The following SMYD3 variants were observed in gnomAD, a reference collection of about 807,000 sequenced individuals.
SMYD3 encodes SET and MYND domain containing 3.
In SMYD3, 36 loss-of-function variants were observed where a neutral mutation model predicts 57.7. The observed-to-expected ratio is 0.62, with a 90% CI of 0.48 to 0.82. SMYD3 has a LOEUF of 0.82. SMYD3 is among the 40% of genes least tolerant of loss of function. SMYD3 has a pLI of 0.00. For missense variants in SMYD3, 515 were observed against 538.8 expected (o/e 0.96, Z 0.44); for synonymous variants, 211 against 195.0 (o/e 1.08, Z -0.68).
rs930261608 is a variant in SMYD3 at position 245,858,650 on chromosome 1, T to C, written c.922A>G (p.Met308Val). The change falls in exon 10 of 12, where the codon ATG (methionine) becomes GTG (valine). Residue 308 changes from methionine to valine, a missense_variant. Physicochemically the swap from Met to Val is conservative, Grantham distance 21. Coordinates refer to ENST00000490107, the MANE Select transcript of SMYD3 (RefSeq NM_001167740.2). Reference protein sequence around the residue: ...AHWKWEQVLAMCQAIISSNSE... With the variant: ...AHWKWEQVLAVCQAIISSNSE... ...TTGCTGCTTATGATTGCCTGGCACA[T>C]GGCCAGAACCTGCTCCCACTCTGTT... 3.7e-6 allele frequency: 6 copies of C among 1,614,062 alleles called. No individual in the cohort carries two copies. Among genetic ancestry groups the C allele is most frequent in the Admixed American group, 1.7e-5 (1 of 59,998 alleles).
chr1:245,853,139 C>T (rs892956188), intron 10 of SMYD3, among the ~76,000 whole-genome samples: 2 of 152,168 alleles, frequency 1.3e-5, no homozygotes, highest in African/African-American at 2.4e-5. Context: ...TGGCAAACAA[C>T]ATACGTGGAA....
intron 1 of SMYD3, among the ~76,000 whole-genome samples, chr1:246,469,730 T>C (rs984328845): frequency 6.6e-6 from 1 of 152,076 alleles, no homozygotes; most frequent in Non-Finnish European, 1.5e-5. Flanking sequence ...CCATAAATAA[T>C]GATTCAGGTA....
chr1:245,750,115 G>T (rs962142013), intron 11 of SMYD3, among the ~76,000 whole-genome samples: 7 of 151,840 alleles, frequency 4.6e-5, no homozygotes, highest in Admixed American at 1.3e-4. Flanking sequence ...TCATATTATA[G>T]CACTGGCATT....
At chr1:246,136,178 T>G (rs922998058) in intron 5 of SMYD3, among the ~76,000 whole-genome samples, 1 of 152,172 alleles carries the variant, frequency 6.6e-6, no homozygotes, top group Non-Finnish European at 1.5e-5. Flanking sequence ...TATAACACAT[T>G]CTGCAGAATT....
chr1:246,269,833 A>AT (rs1306823708), intron 5 of SMYD3, among the ~76,000 whole-genome samples: 2 of 152,068 alleles, frequency 1.3e-5, no homozygotes, highest in African/African-American at 4.8e-5. Flanking sequence ...TCAGCCTCCC[A>AT]AAGTGCTGGG....
intron 5 of SMYD3, among the ~76,000 whole-genome samples, chr1:246,187,263 A>C (rs1225016417): frequency 6.7e-6 from 1 of 149,334 alleles, no homozygotes; most frequent in Admixed American, 6.8e-5. Context: ...ACTCCAGCCT[A>C]GGCAACAGAG....
At chr1:246,171,163 A>G (rs1457590686) in intron 5 of SMYD3, among the ~76,000 whole-genome samples, 1 of 152,212 alleles carries the variant, frequency 6.6e-6, no homozygotes, top group African/African-American at 2.4e-5. Flanking sequence ...AGGTAGAACC[A>G]ATGCTGTCTG....
chr1:246,020,727 T>G (rs1297982151), intron 5 of SMYD3, among the ~76,000 whole-genome samples: 1 of 152,206 alleles, frequency 6.6e-6, no homozygotes, highest in Non-Finnish European at 1.5e-5. Flanking sequence ...CAGTCGCATT[T>G]TATAGATAAG....
At chr1:245,883,909 T>C (rs1463562721) in intron 8 of SMYD3, among the ~76,000 whole-genome samples, 1 of 152,140 alleles carries the variant, frequency 6.6e-6, no homozygotes, top group Non-Finnish European at 1.5e-5. Flanking sequence ...GTGGGTGATG[T>C]AAAAAAGAAA....
At chr1:246,453,819 C>G (rs1004870549) in intron 1 of SMYD3, among the ~76,000 whole-genome samples, 2 of 152,164 alleles carry the variant, frequency 1.3e-5, no homozygotes, top group Non-Finnish European at 2.9e-5. Context: ...CTATTACCAG[C>G]CCAAGAGCAC....
intron 5 of SMYD3, among the ~76,000 whole-genome samples, chr1:246,201,952 GCAGT>G (rs1385200733): frequency 6.6e-6 from 1 of 151,670 alleles, no homozygotes; most frequent in Non-Finnish European, 1.5e-5. Flanking sequence ...GGTGGAGGTT[GCAGT>G]GAGCTGAGAT....
intron 10 of SMYD3, among the ~76,000 whole-genome samples, chr1:245,822,518 G>A (rs1214796696): frequency 2.7e-5 from 4 of 149,814 alleles, no homozygotes; most frequent in African/African-American, 9.9e-5. Context: ...TGCACAATGT[G>A]CACATGTACC....
intron 5 of SMYD3, among the ~76,000 whole-genome samples, chr1:246,107,590 AAAT>A (rs566214701): frequency 1.5e-4 from 23 of 152,340 alleles, no homozygotes; most frequent in Admixed American, 1.0e-3. Flanking sequence ...GACAGTGGGG[AAAT>A]TAGCTCATTC....
At chr1:245,773,250 G>A (rs1412989975) in intron 10 of SMYD3, among the ~76,000 whole-genome samples, 1 of 152,200 alleles carries the variant, frequency 6.6e-6, no homozygotes, top group East Asian at 1.9e-4. Flanking sequence ...AGGAAAGCCT[G>A]GAGTAGTTGA....
chr1:246,292,051 T>G (rs1300286712), intron 5 of SMYD3, among the ~76,000 whole-genome samples: 1 of 135,030 alleles, frequency 7.4e-6, no homozygotes, highest in South Asian at 2.5e-4. Flanking sequence ...AACACACCAG[T>G]ACATTAGACT....
rs1173574600 is a variant in SMYD3, at chr1:246,348,060, T to TATATATATATATATATATATA, written c.228+6970_228+6971insTATATATATATATATATATAT. On this transcript the variant is annotated intron_variant, in intron 2 of 11. Transcript: ENST00000490107. ...ATTGGTGGACTGAATAAAGAAAACG[T>TATATATATATATATATATATA]TATATATATATATATATACACACAC... 7.2e-5 allele frequency among the ~76,000 whole-genome samples: 6 copies of TATATATATATATATATATATA among 83,008 alleles called. 1 individual carries two copies. Among genetic ancestry groups the TATATATATATATATATATATA allele is most frequent in the East Asian group, 2.5e-4 (1 of 4,048 alleles). 54.5% of individuals were successfully genotyped at this position (83,008 alleles called of 152,430 possible). A position where few individuals can be genotyped will look rare whatever the true frequency, so the allele number is the denominator to read the frequency against.
chr1:246,000,234 C>A (rs1293531575), intron 5 of SMYD3, among the ~76,000 whole-genome samples: 1 of 152,160 alleles, frequency 6.6e-6, no homozygotes, highest in Non-Finnish European at 1.5e-5. Flanking sequence ...TTGTGCCCCA[C>A]CCTCTTTCTT....
intron 8 of SMYD3, among the ~76,000 whole-genome samples, chr1:245,873,842 A>G (rs2052350810): frequency 6.6e-6 from 1 of 152,120 alleles, no homozygotes; most frequent in East Asian, 1.9e-4. Context: ...ACGGAAGTGG[A>G]ACTAAGGAGG....
chr1:246,257,030 G>A (rs1471203519), intron 5 of SMYD3, among the ~76,000 whole-genome samples: 1 of 152,158 alleles, frequency 6.6e-6, no homozygotes, highest in African/African-American at 2.4e-5. Context: ...GAATATGGTT[G>A]CTATGATTTA....
Sources: gnomAD v4.1 joint callset for allele counts (sites outside exome capture counted in the v4.1 genomes callset) on GRCh38, gnomAD v4.1.1 for gene constraint, MANE v1.5 for transcripts, NCBI Gene and HGNC (gene_info 2026-07-23, HGNC 2026-07-21) for gene names.